The following INPP5F variants were observed in gnomAD, a reference collection of about 807,000 sequenced individuals.
INPP5F encodes the protein phosphatidylinositide 4-phosphatase SAC2.
INPP5F carries 97 observed loss-of-function variants against 137.2 expected under a neutral mutation model. That is an observed-to-expected ratio of 0.71 (90% CI 0.60 to 0.84). INPP5F has a LOEUF of 0.84. INPP5F is among the 40% of genes least tolerant of loss of function. The pLI, the probability that INPP5F is intolerant of heterozygous loss-of-function variation, is 0.00. For missense variants in INPP5F, 1,271 were observed against 1,371.9 expected, an observed-to-expected ratio of 0.93 and a Z score of 1.16; for synonymous variants, 504 against 476.9, an observed-to-expected ratio of 1.06 and a Z score of -0.74.
rs1564833330 is a variant in INPP5F at position 119,792,053 on chromosome 10, GTAGAGCAGGGTTTGCAC to G, written c.612+19_612+35del. ...TGGCAGAAGGTACCACTCACAGCTCGTAGAGCAGGGTTTGCACTTGGGAAGAAGTGATGGCCTGTTTT... is the reference window on the plus strand; with the variant it reads ...TGGCAGAAGGTACCACTCACAGCTCGTTGGGAAGAAGTGATGGCCTGTTTT... On this transcript the variant is annotated intron_variant, in intron 5 of 19. Transcript: ENST00000650623. The G allele has an allele frequency of 1.2e-6, 2 of 1,614,226 alleles. No individual in the cohort carries two copies. Among genetic ancestry groups the G allele is most frequent in the South Asian group, 2.2e-5 (2 of 91,088 alleles).
Position 119,786,678 on chromosome 10 carries a change from A to AT in INPP5F, c.316-4827dup, listed in dbSNP as rs34610067. ...AGGCATGTGCCACCACCCCCTGCTA[A>AT]TTTTTTTTTTTTCTATTTTTTGAAG... On this transcript the variant is annotated intron_variant, in intron 3 of 19. Transcript: ENST00000650623. 1.0e-3 allele frequency among the ~76,000 whole-genome samples: 154 copies of AT among 146,696 alleles called. 2 individuals carry two copies. The highest frequency in any genetic ancestry group is 1.4e-3 in the Non-Finnish European group (95 of 66,206).
intron 1 of INPP5F, among the ~76,000 whole-genome samples, chr10:119,737,790 C>T (rs1848257757): frequency 6.6e-6 from 1 of 152,162 alleles, no homozygotes. Flanking sequence ...AACCCTTTTC[C>T]TTATCTGTTT....
chr10:119,793,969 A>G (rs1850236305), intron 6 of INPP5F, among the ~76,000 whole-genome samples: 1 of 151,988 alleles, frequency 6.6e-6, no homozygotes, highest in Non-Finnish European at 1.5e-5. Context: ...TTTAATCAGT[A>G]CTCTCCTAAT....
rs112440680 is a variant in INPP5F at position 119,825,422 on chromosome 10, C to G, written c.2250-1209C>G. On this transcript the variant is annotated intron_variant, in intron 19 of 19. Transcript: ENST00000650623. ...TTTAAAATATGCTTAGGATATCCCT[C>G]TAGGTGTGTTTAAAAGTTTTGATAC... Among the ~76,000 whole-genome samples the G allele has an allele frequency of 1.7e-3, 257 of 152,224 alleles. 3 individuals carry two copies. Among genetic ancestry groups the G allele is most frequent in the African/African-American group, 5.8e-3 (239 of 41,538 alleles).
chr10:119,741,842 A>AT (rs1229608487), intron 1 of INPP5F, among the ~76,000 whole-genome samples: 3 of 150,092 alleles, frequency 2.0e-5, no homozygotes, highest in Admixed American at 6.7e-5. Flanking sequence ...GCCATTATTT[A>AT]TTTTTTTTGA....
At chr10:119,764,167 T>C (rs1849085440) in intron 2 of INPP5F, among the ~76,000 whole-genome samples, 1 of 152,200 alleles carries the variant, frequency 6.6e-6, no homozygotes, top group Admixed American at 6.5e-5. Flanking sequence ...CTTTTTCTAA[T>C]AGTATGCACC....
At chr10:119,791,679 C>A in intron 4 of INPP5F, 34 bp downstream of exon 4, 1 of 1,546,490 alleles carries the variant, frequency 6.5e-7, no homozygotes, top group Non-Finnish European at 8.8e-7. Context: ...TTTGAATTCA[C>A]CTTTGATTAG....
intron 1 of INPP5F, among the ~76,000 whole-genome samples, chr10:119,735,063 A>G (rs989716676): frequency 6.6e-6 from 1 of 152,230 alleles, no homozygotes; most frequent in African/African-American, 2.4e-5. Context: ...GAGGATAAAC[A>G]CTGAACATTC....
intron 15 of INPP5F, chr10:119,814,407 T>G (rs1851178823): frequency 1.3e-5 from 2 of 151,834 alleles, no homozygotes; most frequent in Non-Finnish European, 2.9e-5. Context: ...AATAAATAAA[T>G]AAATAAATAA....
intron 9 of INPP5F, among the ~76,000 whole-genome samples, chr10:119,803,561 G>A (rs1850665924): frequency 6.6e-6 from 1 of 152,126 alleles, no homozygotes; most frequent in African/African-American, 2.4e-5. Flanking sequence ...CTTTCCAATG[G>A]GACAAGTCCC....
At chr10:119,727,242 TC>T (rs984348445) in intron 1 of INPP5F, among the ~76,000 whole-genome samples, 5 of 152,224 alleles carry the variant, frequency 3.3e-5, no homozygotes, top group African/African-American at 4.8e-5. Context: ...AGGATAGAGT[TC>T]TTTAAGGAAG....
At position 119,805,390 on chromosome 10, in the gene INPP5F, A is replaced by G; in HGVS notation, c.1248A>G (p.Gly416=). The change falls in exon 11 of 20, where the codon GGA becomes GGG. Residue 416 remains glycine, a synonymous_variant. Transcript: ENST00000650623. ...CTTTTGGCATGGATTTTAGCCGAGG[A>G]ATGAAGTTTGAGAATGTTCAGACAC... ...VSFDFHEHCR[G]MKFENVQTLT... is the part of the protein sequence containing the mutation. 6.2e-7 allele frequency: 1 copy of G among 1,611,668 alleles called. No homozygotes were observed. The highest frequency in any genetic ancestry group is 8.5e-7 in the Non-Finnish European group (1 of 1,178,226).
intron 1 of INPP5F, among the ~76,000 whole-genome samples, chr10:119,747,494 C>T (rs943248680): frequency 3.3e-5 from 5 of 152,080 alleles, no homozygotes; most frequent in Non-Finnish European, 7.4e-5. Context: ...GTTGGGGTTA[C>T]AGGCATGAGC....
intron 4 of INPP5F, 60 bp from the exon 5 acceptor site, chr10:119,791,809 G>A: frequency 7.0e-7 from 1 of 1,431,724 alleles, no homozygotes; most frequent in Non-Finnish European, 9.5e-7. Context: ...GAATTTATGT[G>A]TTATCCCCAG....
At chr10:119,810,323 G>T in intron 14 of INPP5F, 106 bp downstream of exon 14, 1 of 616,512 alleles carries the variant, frequency 1.6e-6, no homozygotes, top group South Asian at 2.2e-5. Flanking sequence ...TAATATACTT[G>T]TGTTTCTGTA....
chr10:119,745,508 T>C (rs1265067452), intron 1 of INPP5F, among the ~76,000 whole-genome samples: 1 of 152,064 alleles, frequency 6.6e-6, no homozygotes, highest in African/African-American at 2.4e-5. Context: ...TACATACATC[T>C]ATGAGTTCAC....
At chr10:119,747,266 C>A (rs1245237428) in intron 1 of INPP5F, among the ~76,000 whole-genome samples, 1 of 152,006 alleles carries the variant, frequency 6.6e-6, no homozygotes, top group Non-Finnish European at 1.5e-5. Context: ...CTCTGTCCCC[C>A]AGGCTGGAGT....
At chr10:119,803,982 CAA>C (rs1819422398) in intron 9 of INPP5F, among the ~76,000 whole-genome samples, 189 bp from the exon 10 acceptor site, 1 of 152,048 alleles carries the variant, frequency 6.6e-6, no homozygotes, top group African/African-American at 2.4e-5. Flanking sequence ...ATGTATGTAA[CAA>C]ATGAAAATTT....
intron 7 of INPP5F, among the ~76,000 whole-genome samples, chr10:119,797,243 C>G (rs903447206): frequency 6.6e-6 from 1 of 152,144 alleles, no homozygotes; most frequent in Non-Finnish European, 1.5e-5. Context: ...TTGGGAAGAC[C>G]TTTCTCTTTC....
Sources: gnomAD v4.1 joint callset for allele counts (sites outside exome capture counted in the v4.1 genomes callset) on GRCh38, gnomAD v4.1.1 for gene constraint, MANE v1.5 for transcripts, NCBI Gene and HGNC (gene_info 2026-07-23, HGNC 2026-07-21) for gene names.